The following NKAIN3 variants were observed in gnomAD, a reference collection of about 807,000 sequenced individuals.
NKAIN3 encodes the protein sodium/potassium-transporting ATPase subunit beta-1-interacting protein 3.
In NKAIN3, 25 loss-of-function variants were observed where a neutral mutation model predicts 30.2. The ratio of observed to expected loss-of-function variants is 0.83; its 90% CI spans 0.60 to 1.16. The LOEUF (loss-of-function observed/expected upper bound fraction) is 1.16, where lower values mean the gene tolerates loss of function less well. Among genes scored for constraint, NKAIN3 ranks in the 50% most tolerant of loss-of-function variants. The probability of loss-of-function intolerance (pLI) is 0.00; values close to 1 mark genes in which losing one functional copy is unlikely to be tolerated. For synonymous variants in NKAIN3, 91 were observed against 89.6 expected, an observed-to-expected ratio of 1.02 and a Z score of -0.09; for missense variants, 225 against 254.1, an observed-to-expected ratio of 0.89 and a Z score of 0.78.
chr8:62,837,982 A>G (rs765920899), intron 4 of NKAIN3, among the ~76,000 whole-genome samples: 6 of 152,152 alleles, frequency 3.9e-5, no homozygotes, highest in East Asian at 3.9e-4. Flanking sequence ...CCTAATGCTG[A>G]TAAGAATGAT....
intron 4 of NKAIN3, among the ~76,000 whole-genome samples, chr8:62,817,031 G>A (rs905880600): frequency 6.6e-6 from 1 of 152,076 alleles, no homozygotes; most frequent in Non-Finnish European, 1.5e-5. Context: ...GCCTCTTTTG[G>A]CTCCAAGCCA....
intron 1 of NKAIN3, among the ~76,000 whole-genome samples, chr8:62,377,811 C>A (rs543296679): frequency 6.6e-6 from 1 of 152,302 alleles, no homozygotes; most frequent in African/African-American, 2.4e-5. Context: ...GAGACCTTCC[C>A]AGCTATGCAG....
At chr8:62,645,927 A>G (rs1162126882) in intron 3 of NKAIN3, among the ~76,000 whole-genome samples, 1 of 152,162 alleles carries the variant, frequency 6.6e-6, no homozygotes, top group Non-Finnish European at 1.5e-5. Flanking sequence ...GTACCCATTC[A>G]TATGAAATTA....
intron 3 of NKAIN3, among the ~76,000 whole-genome samples, chr8:62,601,022 C>T (rs1437169635): frequency 6.6e-6 from 1 of 151,960 alleles, no homozygotes; most frequent in East Asian, 1.9e-4. Flanking sequence ...TATTTTAGAC[C>T]GTCAATTCAG....
At chr8:62,627,704 C>T (rs1425666438) in intron 3 of NKAIN3, among the ~76,000 whole-genome samples, 1 of 152,054 alleles carries the variant, frequency 6.6e-6, no homozygotes, top group Non-Finnish European at 1.5e-5. Flanking sequence ...TTGAAAAACT[C>T]ATCATTTCCT....
chr8:62,610,762 G>A (rs993929368), intron 3 of NKAIN3, among the ~76,000 whole-genome samples: 4 of 151,958 alleles, frequency 2.6e-5, no homozygotes, highest in Non-Finnish European at 4.4e-5. Flanking sequence ...CTACTTTGTT[G>A]CATCATATAT....
intron 4 of NKAIN3, among the ~76,000 whole-genome samples, chr8:62,798,945 C>G (rs1007706638): frequency 1.3e-5 from 2 of 152,062 alleles, no homozygotes; most frequent in African/African-American, 4.8e-5. Flanking sequence ...AAGAAATAGG[C>G]CCCTGACCTG....
intron 1 of NKAIN3, among the ~76,000 whole-genome samples, chr8:62,282,493 T>A (rs1233734321): frequency 6.6e-6 from 1 of 152,200 alleles, no homozygotes; most frequent in African/African-American, 2.4e-5. Flanking sequence ...TGCTGACAGA[T>A]TGACCTGGAC....
chr8:62,698,029 A>G lies in NKAIN3; in HGVS notation c.274-48903A>G, dbSNP rs77168281. ...TTTAAATATAATACACATTTCAAAA[A>G]CAATTATTGAAAGAGAAAACATAAT... On this transcript the variant is annotated intron_variant, in intron 3 of 6. Transcript: ENST00000623646. Among the ~76,000 whole-genome samples, 9 of 152,352 alleles carry G rather than the reference A, an allele frequency of 5.9e-5. No individual in the cohort carries two copies. The East Asian group carries it at 1.7e-3, about 29-fold the overall frequency.
chr8:62,495,364 G>C (rs1306092140), intron 1 of NKAIN3, among the ~76,000 whole-genome samples: 4 of 151,954 alleles, frequency 2.6e-5, no homozygotes, highest in Non-Finnish European at 5.9e-5. Context: ...GAAATAAATT[G>C]ATAAATGAGT....
intron 4 of NKAIN3, chr8:62,856,474 T>A (rs2130781906): frequency 1.3e-6 from 1 of 786,124 alleles, no homozygotes; most frequent in Non-Finnish European, 2.3e-6. Context: ...GCCCCCAGGT[T>A]TCTTCAGGTG....
chr8:62,510,816 C>A (rs1055661363), intron 1 of NKAIN3, among the ~76,000 whole-genome samples: 2 of 151,936 alleles, frequency 1.3e-5, no homozygotes, highest in African/African-American at 4.8e-5. Context: ...TAGTCTTTTT[C>A]CTTGACCTCT....
At chr8:62,914,455 C>T (rs1468713876) in intron 4 of NKAIN3, among the ~76,000 whole-genome samples, 3 of 152,012 alleles carry the variant, frequency 2.0e-5, no homozygotes, top group Non-Finnish European at 4.4e-5. Context: ...ACATGTTTGC[C>T]TATGTAACAA....
chr8:62,590,264 A>C (rs772757721), intron 3 of NKAIN3, among the ~76,000 whole-genome samples: 23 of 151,888 alleles, frequency 1.5e-4, no homozygotes, highest in Non-Finnish European at 2.9e-4. Flanking sequence ...CAAAACTCTT[A>C]TATTAAATGT....
intron 4 of NKAIN3, among the ~76,000 whole-genome samples, chr8:62,776,898 T>C (rs759811400): frequency 6.6e-6 from 1 of 152,198 alleles, no homozygotes; most frequent in African/African-American, 2.4e-5. Context: ...AGTCTGGTGT[T>C]AATGAAGTTT....
At chr8:62,350,468 G>T (rs1816145690) in intron 1 of NKAIN3, among the ~76,000 whole-genome samples, 1 of 152,086 alleles carries the variant, frequency 6.6e-6, no homozygotes, top group Admixed American at 6.6e-5. Context: ...GGGGACAGGG[G>T]TGAATGGGAA....
At chr8:62,393,487 A>C (rs1163511696) in intron 1 of NKAIN3, among the ~76,000 whole-genome samples, 1 of 151,772 alleles carries the variant, frequency 6.6e-6, no homozygotes, top group African/African-American at 2.4e-5. Context: ...CCAATCTCAT[A>C]CTCCTTAGAG....
intron 3 of NKAIN3, among the ~76,000 whole-genome samples, chr8:62,701,474 A>T (rs917682112): frequency 2.0e-5 from 3 of 152,222 alleles, no homozygotes; most frequent in African/African-American, 7.2e-5. Flanking sequence ...CAGCTGAAAG[A>T]CGTGGCAGGC....
intron 3 of NKAIN3, among the ~76,000 whole-genome samples, chr8:62,700,600 C>T (rs1814303371): frequency 1.3e-5 from 2 of 152,136 alleles, no homozygotes; most frequent in Non-Finnish European, 2.9e-5. Context: ...CTTGAATCAC[C>T]TATTAATCAT....
Sources: allele counts gnomAD v4.1 joint callset (sites outside exome capture counted in the v4.1 genomes callset), GRCh38; gene constraint gnomAD v4.1.1; transcripts MANE v1.5; gene names NCBI Gene and HGNC (gene_info 2026-07-23, HGNC 2026-07-21).